The following MRTFA variants were observed in gnomAD, a reference collection of about 807,000 sequenced individuals.
MRTFA encodes the protein myocardin-related transcription factor A.
In MRTFA, 20 loss-of-function variants were observed where a neutral mutation model predicts 83.5. That is an observed-to-expected ratio of 0.24 (90% CI 0.17 to 0.35). MRTFA has a LOEUF of 0.35. Among genes scored for constraint, MRTFA ranks in the 10% least tolerant of loss-of-function variants. The pLI is 1.00. For synonymous variants in MRTFA, 659 were observed against 541.2 expected, an observed-to-expected ratio of 1.22 and a Z score of -3.02; for missense variants, 1,200 against 1,224.7, an observed-to-expected ratio of 0.98 and a Z score of 0.30.
chr22:40,445,509 T>C (rs190666868), intron 4 of MRTFA, among the ~76,000 whole-genome samples: 1 of 152,204 alleles, frequency 6.6e-6, no homozygotes, highest in African/African-American at 2.4e-5. Context: ...TGTTTAGATT[T>C]TTCCCCCAAG....
At chr22:40,484,966 G>A (rs1252228150) in intron 3 of MRTFA, among the ~76,000 whole-genome samples, 1 of 152,012 alleles carries the variant, frequency 6.6e-6, no homozygotes, top group Non-Finnish European at 1.5e-5. Context: ...CAGCTACTCA[G>A]GAGGCTGAGG....
intron 3 of MRTFA, among the ~76,000 whole-genome samples, chr22:40,537,012 TG>T (rs1198766025): frequency 8.3e-4 from 31 of 37,456 alleles, no homozygotes; most frequent in South Asian, 7.2e-3. Context: ...GGGAGGGAGG[TG>T]GGGGGGGGTC....
chr22:40,411,519 G>A lies in MRTFA; in HGVS notation c.2967C>T (p.Asp989=), dbSNP rs55722285. The A allele has an allele frequency of 6.2e-7, 1 of 1,613,036 alleles. No individual in the cohort carries two copies. Among genetic ancestry groups the A allele is most frequent in the East Asian group, 2.2e-5 (1 of 44,834 alleles). ...GACCACCTGACGACAGCTCCAGCCA[G>A]TCCATGCTGTCCAGGTGGCCATCAG... The change falls in exon 15 of 15, where the codon GAC becomes GAT. Residue 989 remains aspartate, a synonymous_variant. Coordinates refer to ENST00000355630, the MANE Select transcript of MRTFA (RefSeq NM_020831.6).
chr22:40,556,532 A>C (rs1459396831), intron 2 of MRTFA, among the ~76,000 whole-genome samples: 2 of 152,234 alleles, frequency 1.3e-5, no homozygotes, highest in Non-Finnish European at 2.9e-5. Context: ...AGTTCAAAAA[A>C]AAATTTGAAC....
At chr22:40,456,660 C>G (rs1263494877) in intron 4 of MRTFA, among the ~76,000 whole-genome samples, 2 of 152,334 alleles carry the variant, frequency 1.3e-5, no homozygotes, top group African/African-American at 4.8e-5. Context: ...GCACTCCAGC[C>G]TGGATAACAG....
intron 3 of MRTFA, among the ~76,000 whole-genome samples, chr22:40,543,122 C>A (rs1293943443): frequency 2.0e-5 from 3 of 152,084 alleles, no homozygotes; most frequent in Non-Finnish European, 2.9e-5. Flanking sequence ...AATTGACATG[C>A]CTAAGATTGG....
chr22:40,411,953 G>GTATA, intron 14 of MRTFA, 46 bp from the exon 15 acceptor site: 1 of 1,409,552 alleles, frequency 7.1e-7, no homozygotes, highest in Non-Finnish European at 9.3e-7. Context: ...AGCCAAGCCT[G>GTATA]TATATCTACA....
intron 3 of MRTFA, among the ~76,000 whole-genome samples, chr22:40,533,210 T>C (rs1355843705): frequency 6.6e-6 from 1 of 152,170 alleles, no homozygotes; most frequent in Admixed American, 6.5e-5. Context: ...GATGCTTTCA[T>C]AAAAACATAG....
chr22:40,582,729 T>A (rs2055968001), intron 2 of MRTFA, among the ~76,000 whole-genome samples: 1 of 152,014 alleles, frequency 6.6e-6, no homozygotes. Context: ...CTAACTTTGA[T>A]TCCCTGGGAA....
In MRTFA at chr22:40,411,895, TCTG is replaced by T; in HGVS notation, c.2588_2590del (p.Ala863del). On this transcript the variant is annotated inframe_deletion, in exon 15 of 15. Transcript: ENST00000355630. ...TGGCAGGGATGGCGGCTCCTTGAAA[TCTG>T]CTGAAATTTCTGCCAATCAATCAAG... 3 of 1,478,544 alleles carry T rather than the reference TCTG, an allele frequency of 2.0e-6. No homozygotes were observed. The highest frequency in any genetic ancestry group is 2.7e-6 in the Non-Finnish European group (3 of 1,112,866). The allele number at this position is 1,478,544 out of a possible 1,614,324, so 91.6% of individuals were successfully genotyped here.
chr22:40,493,736 G>A (rs760704593), intron 3 of MRTFA, among the ~76,000 whole-genome samples: 2 of 152,188 alleles, frequency 1.3e-5, no homozygotes, highest in Non-Finnish European at 2.9e-5. Flanking sequence ...AAACGATAAT[G>A]CTATGTAGAA....
chr22:40,431,582 C>G, intron 5 of MRTFA, 102 bp from the exon 6 acceptor site: 2 of 1,069,502 alleles, frequency 1.9e-6, no homozygotes, highest in Non-Finnish European at 1.4e-6. Flanking sequence ...TGCTGACCAC[C>G]TCTGCAGTTC....
chr22:40,410,683 G>T lies in MRTFA; in HGVS notation c.*707C>A. Reference sequence around the variant, plus strand: ...GCCTGGGTAGCTGCATGCCAGACTGGGCACCAGACTGTGGCACACAGCTCA... The same window carrying T: ...GCCTGGGTAGCTGCATGCCAGACTGTGCACCAGACTGTGGCACACAGCTCA... On this transcript the variant is annotated 3_prime_UTR_variant, in exon 15 of 15. Coordinates refer to ENST00000355630, the MANE Select transcript of MRTFA (RefSeq NM_020831.6). 4.3e-6 allele frequency: 1 copy of T among 233,462 alleles called. No individual in the cohort carries two copies. Among genetic ancestry groups the T allele is most frequent in the African/African-American group, 2.2e-5 (1 of 45,422 alleles). The allele number at this position is 233,462 out of a possible 1,614,324, so 14.5% of individuals were successfully genotyped here. A position where few individuals can be genotyped will look rare whatever the true frequency, so the allele number is the denominator to read the frequency against.
intron 2 of MRTFA, among the ~76,000 whole-genome samples, chr22:40,570,833 A>C (rs1351571584): frequency 6.6e-6 from 1 of 151,636 alleles, no homozygotes; most frequent in Non-Finnish European, 1.5e-5. Flanking sequence ...ATAGACTTAT[A>C]TCATTTTTAA....
chr22:40,540,175 G>A (rs1159832978), intron 3 of MRTFA, among the ~76,000 whole-genome samples: 1 of 152,004 alleles, frequency 6.6e-6, no homozygotes, highest in Non-Finnish European at 1.5e-5. Context: ...GCCTCCCAAA[G>A]TGGTAGGATT....
chr22:40,421,607 T>C (rs2052841926), intron 9 of MRTFA, among the ~76,000 whole-genome samples: 1 of 152,228 alleles, frequency 6.6e-6, no homozygotes, highest in Non-Finnish European at 1.5e-5. Context: ...GTGATCTTGT[T>C]CTTGTTCTAA....
chr22:40,577,609 AT>A (rs71199293), intron 2 of MRTFA, among the ~76,000 whole-genome samples: 2,712 of 129,818 alleles, frequency 0.021, 25 homozygotes, highest in African/African-American at 0.034. Flanking sequence ...TCTACATCTG[AT>A]TTTTTTTTTT....
chr22:40,614,425 A>T (rs545192560), intron 1 of MRTFA, among the ~76,000 whole-genome samples: 86 of 151,756 alleles, frequency 5.7e-4, no homozygotes, highest in Admixed American at 1.5e-3. Flanking sequence ...AAAAAAAAAA[A>T]ATATTATATT....
chr22:40,517,502 G>T (rs1401170934), intron 3 of MRTFA, among the ~76,000 whole-genome samples: 1 of 152,120 alleles, frequency 6.6e-6, no homozygotes, highest in Non-Finnish European at 1.5e-5. Context: ...GGCCAGCTGG[G>T]TACAATCTTA....
Sources: gnomAD v4.1 joint callset for allele counts (sites outside exome capture counted in the v4.1 genomes callset) on GRCh38, gnomAD v4.1.1 for gene constraint, MANE v1.5 for transcripts, NCBI Gene and HGNC (gene_info 2026-07-23, HGNC 2026-07-21) for gene names.